The following SAMSN1 variants were observed in gnomAD, a reference collection of about 807,000 sequenced individuals.
SAMSN1 encodes the protein SAM domain, SH3 domain and nuclear localization signals 1, also known as SAM domain-containing protein SAMSN-1.
Under a neutral mutation model 42.0 loss-of-function variants are expected in SAMSN1, and 31 were observed. The ratio of observed to expected loss-of-function variants is 0.74; its 90% CI spans 0.55 to 1.00. The LOEUF is 1.00. SAMSN1 is among the 50% of genes least tolerant of loss of function. SAMSN1 has a pLI of 0.00. For synonymous variants in SAMSN1, 178 were observed against 151.9 expected, an observed-to-expected ratio of 1.17 and a Z score of -1.26; for missense variants, 464 against 439.4, an observed-to-expected ratio of 1.06 and a Z score of -0.50.
intron 2 of SAMSN1, among the ~76,000 whole-genome samples, chr21:14,639,873 T>C (rs1430795094): frequency 6.6e-6 from 1 of 152,092 alleles, no homozygotes; most frequent in Non-Finnish European, 1.5e-5. Context: ...ATTATTTCTC[T>C]TTTAAACATT....
At chr21:14,562,810 G>C (rs1980987778) in intron 2 of SAMSN1, among the ~76,000 whole-genome samples, 1 of 151,972 alleles carries the variant, frequency 6.6e-6, no homozygotes, top group African/African-American at 2.4e-5. Flanking sequence ...CAATACTAAG[G>C]ATACTGTAAT....
At chr21:14,546,398 G>T, upstream of SAMSN1, 1 of 1,404,476 alleles carries the variant, frequency 7.1e-7, no homozygotes, top group Non-Finnish European at 9.3e-7. Context: ...CCTTCAGTCA[G>T]GATATGACTT....
intron 5 of SAMSN1, among the ~76,000 whole-genome samples, chr21:14,502,946 A>T (rs993887100): frequency 6.6e-6 from 1 of 152,222 alleles, no homozygotes; most frequent in Non-Finnish European, 1.5e-5. Context: ...TAGAAAATTC[A>T]TACTTTATGC....
chr21:14,631,528 C>T (rs528380196), intron 2 of SAMSN1, among the ~76,000 whole-genome samples: 47 of 152,186 alleles, frequency 3.1e-4, no homozygotes, highest in African/African-American at 9.9e-4. Flanking sequence ...CCACCACACC[C>T]GGCAATTTTT....
At chr21:14,632,000 G>A (rs1983342734) in intron 2 of SAMSN1, among the ~76,000 whole-genome samples, 1 of 152,100 alleles carries the variant, frequency 6.6e-6, no homozygotes, top group South Asian at 2.1e-4. Flanking sequence ...AACTTCTCTT[G>A]CTACTAGAAT....
At chr21:14,543,184 A>G (rs1271109633) in intron 1 of SAMSN1, among the ~76,000 whole-genome samples, 1 of 152,182 alleles carries the variant, frequency 6.6e-6, no homozygotes, top group Non-Finnish European at 1.5e-5. Context: ...ATTCTGCAAG[A>G]ATTTACCAGT....
chr21:14,604,068 G>T (rs1982505830), intron 5 of SAMSN1, among the ~76,000 whole-genome samples: 1 of 152,190 alleles, frequency 6.6e-6, no homozygotes, highest in Non-Finnish European at 1.5e-5. Context: ...ACCTTTAAGG[G>T]CTGGGACTAA....
At chr21:14,597,158 T>C (rs1182709722) in intron 6 of SAMSN1, among the ~76,000 whole-genome samples, 6 of 152,114 alleles carry the variant, frequency 3.9e-5, no homozygotes, top group Admixed American at 6.6e-5. Flanking sequence ...GTTCACACTT[T>C]TGTTTAGAAC....
At chr21:14,654,130 T>G (rs1342102649) in intron 1 of SAMSN1, among the ~76,000 whole-genome samples, 1 of 152,006 alleles carries the variant, frequency 6.6e-6, no homozygotes, top group African/African-American at 2.4e-5. Flanking sequence ...AAGATATAAT[T>G]AGTCTAGTTA....
At chr21:14,651,311 A>G (rs1983832798) in intron 1 of SAMSN1, among the ~76,000 whole-genome samples, 1 of 152,036 alleles carries the variant, frequency 6.6e-6, no homozygotes, top group Non-Finnish European at 1.5e-5. Flanking sequence ...AAATTCAACA[A>G]CAATATATTA....
At position 14,512,532 on chromosome 21, in the gene SAMSN1, A is replaced by G; in HGVS notation, c.321T>C (p.Ser107=). The change falls in exon 4 of 8, where the codon AGT becomes AGC. Residue 107 remains serine, a synonymous_variant. Transcript: ENST00000400566. ...CTGTGTGGGTCCCAATCACAGGGTC[A>G]CTGTTTCTATATGGGTGGGCATTCT... ...DGENAHPYRN[S]DPVIGTHTEK... 6.2e-7 allele frequency: 1 copy of G among 1,613,854 alleles called. No individual in the cohort carries two copies. Among genetic ancestry groups the G allele is most frequent in the Non-Finnish European group, 8.5e-7 (1 of 1,179,722 alleles).
chr21:14,571,584 A>G (rs774778520), intron 2 of SAMSN1, among the ~76,000 whole-genome samples: 1 of 152,204 alleles, frequency 6.6e-6, no homozygotes, highest in Non-Finnish European at 1.5e-5. Flanking sequence ...CTTTCTGAAA[A>G]AGGTGGTTAT....
At chr21:14,512,310 T>G (rs1568777633) in intron 4 of SAMSN1, 134 bp downstream of exon 4, 1 of 882,490 alleles carries the variant, frequency 1.1e-6, no homozygotes, top group East Asian at 2.4e-5. Context: ...CTATATAGAT[T>G]TAATATATCT....
chr21:14,654,440 C>T (rs1248208510), intron 1 of SAMSN1, among the ~76,000 whole-genome samples: 1 of 151,974 alleles, frequency 6.6e-6, no homozygotes, highest in African/African-American at 2.4e-5. Flanking sequence ...AAGTTTTAGA[C>T]ATATTAAGCT....
intron 7 of SAMSN1, among the ~76,000 whole-genome samples, chr21:14,590,848 G>A (rs1377059836): frequency 6.6e-6 from 1 of 152,024 alleles, no homozygotes; most frequent in Non-Finnish European, 1.5e-5. Context: ...CTCTATTCAT[G>A]ACCTAAAACA....
chr21:14,560,799 A>G (rs896994126), intron 2 of SAMSN1, among the ~76,000 whole-genome samples: 1 of 152,168 alleles, frequency 6.6e-6, no homozygotes, highest in Non-Finnish European at 1.5e-5. Context: ...AAATGTATAC[A>G]TGCTCGCCTT....
chr21:14,488,826 G>A (rs1422146048), intron 7 of SAMSN1, among the ~76,000 whole-genome samples: 2 of 152,190 alleles, frequency 1.3e-5, no homozygotes, highest in Non-Finnish European at 2.9e-5. Flanking sequence ...AAACACGACT[G>A]TGCTCCTCAA....
At position 14,579,308 on chromosome 21, in the gene SAMSN1, G is replaced by T. The variant is rs973760361; in HGVS notation, c.261+2828C>A. On this transcript the variant is annotated intron_variant, in intron 2 of 8. Transcript: ENST00000285670. ...ATTCTGTAGATATGTTTGACCTTCT[G>T]CAGATAAAACTCACTTAATCGTTAA... Among the ~76,000 whole-genome samples the T allele has an allele frequency of 3.5e-4, 54 of 152,208 alleles. 1 individual carries two copies. The highest frequency in any genetic ancestry group is 1.3e-3 in the African/African-American group (52 of 41,512).
intron 7 of SAMSN1, chr21:14,495,628 T>C (rs1255120698): frequency 1.3e-5 from 2 of 152,214 alleles, no homozygotes; most frequent in South Asian, 2.1e-4. Context: ...AATCAACTTC[T>C]AGTGACCTTC....
Sources: gnomAD v4.1 joint callset for allele counts (sites outside exome capture counted in the v4.1 genomes callset) on GRCh38, gnomAD v4.1.1 for gene constraint, MANE v1.5 for transcripts, NCBI Gene and HGNC (gene_info 2026-07-23, HGNC 2026-07-21) for gene names.